DTNA: variants seen among roughly 807,000 people sequenced by gnomAD.
DTNA encodes dystrobrevin alpha, also known as dystrophin-related protein 3.
DTNA carries 43 observed loss-of-function variants against 100.7 expected under a neutral mutation model. The observed-to-expected ratio is 0.43, with a 90% CI of 0.33 to 0.55. DTNA has a LOEUF of 0.55. Among genes scored for constraint, DTNA ranks in the 20% least tolerant of loss-of-function variants. The pLI, the probability that DTNA is intolerant of heterozygous loss-of-function variation, is 0.04. For synonymous variants in DTNA, 349 were observed against 347.9 expected, an observed-to-expected ratio of 1.00 and a Z score of -0.04; for missense variants, 798 against 953.9, an observed-to-expected ratio of 0.84 and a Z score of 2.15.
chr18:34,618,028 A>C (rs1318582360), intron 1 of DTNA, among the ~76,000 whole-genome samples: 1 of 152,156 alleles, frequency 6.6e-6, no homozygotes, highest in East Asian at 1.9e-4. Flanking sequence ...GAATACAGAG[A>C]AGCTAATCTC....
intron 3 of DTNA, among the ~76,000 whole-genome samples, chr18:34,777,913 A>G (rs2094138124): frequency 1.3e-5 from 2 of 152,196 alleles, no homozygotes; most frequent in Admixed American, 1.3e-4. Flanking sequence ...TTTCCTCTTA[A>G]GTGATCTGAA....
chr18:34,749,860 T>A (rs1298924414), intron 1 of DTNA, among the ~76,000 whole-genome samples: 1 of 152,176 alleles, frequency 6.6e-6, no homozygotes, highest in East Asian at 1.9e-4. Context: ...GAGCTCTGAA[T>A]ACTTTTTTAT....
intron 1 of DTNA, among the ~76,000 whole-genome samples, chr18:34,704,862 G>T (rs2081917790): frequency 6.6e-6 from 1 of 152,146 alleles, no homozygotes; most frequent in Non-Finnish European, 1.5e-5. Flanking sequence ...TTCACAGGTA[G>T]ACTTAATTTT....
intron 1 of DTNA, among the ~76,000 whole-genome samples, chr18:34,547,623 T>G (rs1028385294): frequency 3.3e-5 from 5 of 152,188 alleles, no homozygotes; most frequent in Admixed American, 1.3e-4. Flanking sequence ...CCTGGAGATA[T>G]ACCTTACTGT....
Position 34,816,033 on chromosome 18 carries a change from G to T in DTNA, c.709+19G>T. 2 of 1,606,398 alleles carry T rather than the reference G, an allele frequency of 1.2e-6. No individual in the cohort carries two copies. The highest frequency in any genetic ancestry group is 1.7e-6 in the Non-Finnish European group (2 of 1,173,058). On this transcript the variant is annotated intron_variant, in intron 7 of 22. Transcript: ENST00000444659. ...GAAAATGGTGAGTAGTTACTAAGGA[G>T]CAAAGGTGATTTTTTAAATTATTGA...
chr18:34,707,237 A>C (rs879839593), upstream of DTNA, among the ~76,000 whole-genome samples: 1 of 152,280 alleles, frequency 6.6e-6, no homozygotes, highest in South Asian at 2.1e-4. Context: ...TCCTGCTTCT[A>C]TGGGACTAGG....
At chr18:34,521,106 A>G (rs182275916) in intron 1 of DTNA, among the ~76,000 whole-genome samples, 55 of 152,302 alleles carry the variant, frequency 3.6e-4, no homozygotes, top group African/African-American at 1.3e-3. Flanking sequence ...TGCTTACTCA[A>G]TATTTCAAAC....
chr18:34,616,626 C>G (rs1315875237), intron 1 of DTNA, among the ~76,000 whole-genome samples: 2 of 152,034 alleles, frequency 1.3e-5, no homozygotes, highest in Non-Finnish European at 2.9e-5. Context: ...CTTTCTGGTT[C>G]CATATGAATT....
chr18:34,819,185 T>G (rs1227722825), intron 8 of DTNA, among the ~76,000 whole-genome samples: 1 of 152,194 alleles, frequency 6.6e-6, no homozygotes, highest in Admixed American at 6.5e-5. Context: ...ATTTATGAGT[T>G]TTTCTATATT....
intron 1 of DTNA, among the ~76,000 whole-genome samples, chr18:34,714,479 A>C (rs2083544628): frequency 2.7e-5 from 4 of 149,952 alleles, no homozygotes; most frequent in African/African-American, 9.9e-5. Flanking sequence ...AAACACATGA[A>C]AAAATGCTCA....
intron 1 of DTNA, among the ~76,000 whole-genome samples, chr18:34,648,630 G>T (rs968141047): frequency 6.6e-6 from 1 of 152,200 alleles, no homozygotes; most frequent in Non-Finnish European, 1.5e-5. Context: ...GACCTTTCAA[G>T]ACAGTTAGTG....
intron 3 of DTNA, among the ~76,000 whole-genome samples, chr18:34,769,725 C>CTTTTTT (rs61242937): frequency 0.011 from 598 of 53,876 alleles, 158 homozygotes; most frequent in Middle Eastern, 0.024. Flanking sequence ...CCCTCTGGGG[C>CTTTTTT]TTTTTTTTTT....
At chr18:34,519,026 T>G (rs1449184878) in intron 1 of DTNA, among the ~76,000 whole-genome samples, 1 of 152,008 alleles carries the variant, frequency 6.6e-6, no homozygotes, top group Non-Finnish European at 1.5e-5. Flanking sequence ...GGAGTATTTA[T>G]CAGAGCCTTG....
chr18:34,768,060 A>G (rs1461570795), intron 3 of DTNA, among the ~76,000 whole-genome samples: 1 of 152,182 alleles, frequency 6.6e-6, no homozygotes, highest in African/African-American at 2.4e-5. Flanking sequence ...CCCTTCAAAC[A>G]CATCACCCAG....
chr18:34,537,564 G>A (rs1367486079), intron 1 of DTNA, among the ~76,000 whole-genome samples: 1 of 150,708 alleles, frequency 6.6e-6, no homozygotes, highest in South Asian at 2.1e-4. Flanking sequence ...TACAAAGAAA[G>A]TTGTAATTAT....
chr18:34,817,840 T>C (rs892011663), intron 7 of DTNA: 1 of 767,978 alleles, frequency 1.3e-6, no homozygotes, highest in Non-Finnish European at 1.8e-6. Flanking sequence ...GAGAGCAGTT[T>C]GGGGTAAAGG....
intron 1 of DTNA, among the ~76,000 whole-genome samples, chr18:34,570,446 G>A (rs1411446771): frequency 1.3e-5 from 2 of 152,078 alleles, no homozygotes; most frequent in East Asian, 1.9e-4. Flanking sequence ...TTGAAAGCAG[G>A]GACAGAGTCT....
chr18:34,652,589 T>G (rs2060584599), intron 1 of DTNA, among the ~76,000 whole-genome samples: 1 of 152,210 alleles, frequency 6.6e-6, no homozygotes, highest in Admixed American at 6.5e-5. Context: ...TGATGAAAAT[T>G]TATTAAGCAC....
chr18:34,768,394 AC>A (rs2093601337), intron 3 of DTNA, among the ~76,000 whole-genome samples: 1 of 152,202 alleles, frequency 6.6e-6, no homozygotes, highest in African/African-American at 2.4e-5. Context: ...GGAATCAGGG[AC>A]TTGGCAACAC....
Sources: allele counts gnomAD v4.1 joint callset (sites outside exome capture counted in the v4.1 genomes callset), GRCh38; gene constraint gnomAD v4.1.1; transcripts MANE v1.5; gene names NCBI Gene and HGNC (gene_info 2026-07-23, HGNC 2026-07-21).